The following PDPK1 variants were observed in gnomAD, a reference collection of about 807,000 sequenced individuals.
The protein encoded by PDPK1 is 3-phosphoinositide dependent protein kinase 1, also known as 3-phosphoinositide-dependent protein kinase 1.
In PDPK1, 7 loss-of-function variants were observed where a neutral mutation model predicts 39.8. The observed-to-expected ratio is 0.18, with a 90% confidence interval of 0.10 to 0.33. The LOEUF (loss-of-function observed/expected upper bound fraction) is 0.33, where lower values mean the gene tolerates loss of function less well. Among genes scored for constraint, PDPK1 ranks in the 10% least tolerant of loss-of-function variants. PDPK1 has a pLI of 1.00. For synonymous variants in PDPK1, 118 were observed against 159.1 expected (o/e 0.74, Z 1.95); for missense variants, 182 against 384.7 (o/e 0.47, Z 4.41).
In PDPK1 at chr16:2,597,599, G is replaced by A. The variant is rs2067129832; in HGVS notation, c.1555-52G>A. ...GCAGGCAGCTCACCAGGTTGGGGTGGGGGTTTTGGTGGGACTCCCTGGAGA... is the reference window on the plus strand; with the variant it reads ...GCAGGCAGCTCACCAGGTTGGGGTGAGGGTTTTGGTGGGACTCCCTGGAGA... On this transcript the variant is annotated intron_variant, in intron 13 of 13. Coordinates refer to ENST00000342085, the MANE Select transcript of PDPK1 (RefSeq NM_002613.5). The surrounding 1 kb of genome is among the most constrained non-coding windows in gnomAD (Gnocchi z 6.3). The A allele has an allele frequency of 7.7e-7, 1 of 1,297,606 alleles. No individual in the cohort carries two copies. The highest frequency in any genetic ancestry group is 1.5e-5 in the African/African-American group (1 of 68,882). The allele number at this position is 1,297,606 out of a possible 1,614,324, so 80.4% of individuals were successfully genotyped here.
At position 2,601,194 on chromosome 16, in the gene PDPK1, G is replaced by A. The variant is rs187478880; in HGVS notation, c.*3427G>A. ...TTGAAGATATTTCTGTCTCTCTCTC[G>A]ACCTGATGTGTAGACGCTCACTTCC... On this transcript the variant is annotated 3_prime_UTR_variant, in exon 14 of 14. Coordinates refer to ENST00000342085, the MANE Select transcript of PDPK1 (RefSeq NM_002613.5). The A allele has an allele frequency of 3.0e-5, 7 of 233,536 alleles. No homozygotes were observed. Among genetic ancestry groups the A allele is most frequent in the South Asian group, 1.8e-4 (1 of 5,506 alleles). 14.5% of individuals were successfully genotyped at this position (233,536 alleles called of 1,614,324 possible). A position where few individuals can be genotyped will look rare whatever the true frequency, so the allele number is the denominator to read the frequency against.
intron 6 of PDPK1, among the ~76,000 whole-genome samples, chr16:2,573,773 C>CT (rs546669586): frequency 2.2e-5 from 3 of 133,956 alleles, no homozygotes; most frequent in South Asian, 2.3e-4. Context: ...ATTTTCTTCC[C>CT]TTTTTTTTCC....
intron 6 of PDPK1, chr16:2,576,594 C>T (rs1315742621): frequency 2.7e-5 from 4 of 146,990 alleles, no homozygotes; most frequent in African/African-American, 5.3e-5. Context: ...CTCAGCCTCC[C>T]GAGTAGCTGA....
Position 2,598,622 on chromosome 16 carries a change from A to G in PDPK1, c.*855A>G, listed in dbSNP as rs925699521. 9 of 233,276 alleles carry G rather than the reference A, an allele frequency of 3.9e-5. No individual in the cohort carries two copies. The highest frequency in any genetic ancestry group is 1.8e-4 in the East Asian group (3 of 16,604). 14.5% of individuals were successfully genotyped at this position (233,276 alleles called of 1,614,324 possible). On this transcript the variant is annotated 3_prime_UTR_variant, in exon 14 of 14. Coordinates refer to ENST00000342085, the MANE Select transcript of PDPK1 (RefSeq NM_002613.5). ...ACGAGAGAGTCCTGCCCCGAGCCCT[A>G]GGTGGGGCCAGGAGGTGCCTTGGAG...
At position 2,557,980 on chromosome 16, in the gene PDPK1, G is replaced by C; in HGVS notation, c.285+17G>C. 6.2e-7 allele frequency: 1 copy of C among 1,611,850 alleles called. No individual in the cohort carries two copies. Among genetic ancestry groups the C allele is most frequent in the Non-Finnish European group, 8.5e-7 (1 of 1,179,148 alleles). On this transcript the variant is annotated intron_variant, in intron 2 of 13. Transcript: ENST00000342085. ...TTTTCCACGGTGAGTATTTGCTGCT[G>C]CTGTGTGTCAAACGTACGTGATTTC...
chr16:2,596,861 G>A (rs2067113439), intron 12 of PDPK1, among the ~76,000 whole-genome samples: 1 of 152,156 alleles, frequency 6.6e-6, no homozygotes, highest in Non-Finnish European at 1.5e-5. Context: ...CCCAGGCAGA[G>A]CAGAGGGGCC....
chr16:2,592,470 G>T (rs912377056), intron 11 of PDPK1: 7 of 301,768 alleles, frequency 2.3e-5, no homozygotes, highest in Non-Finnish European at 4.5e-5. Context: ...GAAAATCAAG[G>T]TGATTGCAGC....
chr16:2,541,876 G>C (rs565151965), intron 1 of PDPK1, among the ~76,000 whole-genome samples: 28 of 152,126 alleles, frequency 1.8e-4, no homozygotes, highest in African/African-American at 6.7e-4. Flanking sequence ...TAGATCACAG[G>C]CAGGGCACAT....
chr16:2,596,755 G>A (rs370173662), intron 12 of PDPK1, among the ~76,000 whole-genome samples: 3 of 152,278 alleles, frequency 2.0e-5, no homozygotes, highest in South Asian at 2.1e-4. Context: ...ACTTCCAAGC[G>A]CAGGCTCCTG....
chr16:2,591,702 C>T (rs1400584538), intron 11 of PDPK1, among the ~76,000 whole-genome samples: 1 of 152,216 alleles, frequency 6.6e-6, no homozygotes, highest in Non-Finnish European at 1.5e-5. Context: ...GGACCCAGCA[C>T]TCTCCTTATC....
At chr16:2,560,923 G>C (rs1434011713) in intron 2 of PDPK1, among the ~76,000 whole-genome samples, 1 of 151,236 alleles carries the variant, frequency 6.6e-6, no homozygotes, top group Non-Finnish European at 1.5e-5. Flanking sequence ...ATCCCGGGCA[G>C]GTGGCTCCCT....
chr16:2,595,079 C>T (rs533251599), intron 11 of PDPK1, among the ~76,000 whole-genome samples: 23 of 152,282 alleles, frequency 1.5e-4, no homozygotes, highest in African/African-American at 4.3e-4. Flanking sequence ...GCTATGGTGG[C>T]GCCACTGCTC....
chr16:2,539,029 G>T, intron 1 of PDPK1: 1 of 216,344 alleles, frequency 4.6e-6, no homozygotes, highest in South Asian at 5.0e-5. Flanking sequence ...TATTTTAAAT[G>T]AAGGAAAACC....
At position 2,595,845 on chromosome 16, in the gene PDPK1, C is replaced by T. The variant is rs753410336; in HGVS notation, c.1396C>T (p.Arg466Trp). The change falls in exon 12 of 14, where the codon CGG (arginine) becomes TGG (tryptophan). Residue 466 changes from arginine to tryptophan, a missense_variant. Physicochemically the swap from Arg to Trp is moderately radical, Grantham distance 101. Transcript: ENST00000342085. ...LILKMGPVDK[R>W]KGLFARRRQL... ...ACTAAAGATGGGCCCAGTGGATAAG[C>T]GGAAGGTGAGTGGTCAGTGGTCCCG... is the stretch of plus-strand genomic sequence containing the variant. 4 of 1,612,654 alleles carry T rather than the reference C, an allele frequency of 2.5e-6. No individual in the cohort carries two copies. Among genetic ancestry groups the T allele is most frequent in the East Asian group, 4.5e-5 (2 of 44,896 alleles).
intron 10 of PDPK1, among the ~76,000 whole-genome samples, chr16:2,586,013 AG>A (rs1045539134): frequency 1.3e-4 from 20 of 152,158 alleles, no homozygotes; most frequent in Non-Finnish European, 4.4e-5. Context: ...TGGCCTTGGC[AG>A]TGCCAGGAGC....
chr16:2,577,750 T>G (rs1368051467), intron 7 of PDPK1, among the ~76,000 whole-genome samples: 2 of 149,820 alleles, frequency 1.3e-5, no homozygotes, highest in African/African-American at 2.5e-5. Context: ...TTTGTTTTTT[T>G]GTTTTTTGAG....
Position 2,599,405 on chromosome 16 carries a change from C to G in PDPK1, c.*1638C>G. ...TAATGACGAGAGTGGCTCTTTTTAG[C>G]TAGGCGAGTACAGACGGGGCCTGGG... On this transcript the variant is annotated 3_prime_UTR_variant, in exon 14 of 14. Transcript: ENST00000342085. 1 of 233,434 alleles carries G rather than the reference C, an allele frequency of 4.3e-6. No homozygotes were observed. The highest frequency in any genetic ancestry group is 8.5e-6 in the Non-Finnish European group (1 of 118,140). The allele number at this position is 233,434 out of a possible 1,614,324, so 14.5% of individuals were successfully genotyped here.
intron 1 of PDPK1, among the ~76,000 whole-genome samples, chr16:2,541,129 T>C (rs1298511333): frequency 6.6e-6 from 1 of 152,200 alleles, no homozygotes; most frequent in East Asian, 1.9e-4. Flanking sequence ...GTTCTGCTTT[T>C]CTGAGATGTG....
chr16:2,594,049 C>T (rs1483008128), intron 11 of PDPK1: 3 of 152,316 alleles, frequency 2.0e-5, no homozygotes, highest in Non-Finnish European at 2.9e-5. Flanking sequence ...GGTCCTCCCT[C>T]TTGGGGCAGG....
Sources: gnomAD v4.1 joint callset for allele counts (sites outside exome capture counted in the v4.1 genomes callset) on GRCh38, gnomAD v4.1.1 for gene constraint, Gnocchi (gnomAD v3.1) non-coding constraint, MANE v1.5 for transcripts, NCBI Gene and HGNC (gene_info 2026-07-23, HGNC 2026-07-21) for gene names.